Variants in TSPAN9 observed in about 807,000 individuals in gnomAD.
The protein encoded by TSPAN9 is tetraspanin-9.
Under a neutral mutation model 31.0 loss-of-function variants are expected in TSPAN9, and 16 were observed. The observed-to-expected ratio is 0.52, with a 90% confidence interval of 0.35 to 0.78. The LOEUF is 0.78. TSPAN9 is among the 30% of genes least tolerant of loss of function. The pLI is 0.01. For missense variants in TSPAN9, 272 were observed against 312.5 expected, an observed-to-expected ratio of 0.87 and a Z score of 0.98; for synonymous variants, 145 against 121.6, an observed-to-expected ratio of 1.19 and a Z score of -1.27.
intron 2 of TSPAN9, among the ~76,000 whole-genome samples, chr12:3,158,830 C>T (rs538831058): frequency 6.6e-6 from 1 of 151,774 alleles, no homozygotes; most frequent in African/African-American, 2.4e-5. Flanking sequence ...CACTTAGCCT[C>T]TTTTGCTTGG....
intron 2 of TSPAN9, among the ~76,000 whole-genome samples, chr12:3,186,823 T>C (rs1266227133): frequency 2.0e-5 from 3 of 152,208 alleles, no homozygotes; most frequent in African/African-American, 4.8e-5. Flanking sequence ...CTGAGACTTT[T>C]ACTCCTGGGG....
Position 3,168,481 on chromosome 12 carries a change from A to G in TSPAN9, c.-17-32696A>G, listed in dbSNP as rs2098349854. Among the ~76,000 whole-genome samples the G allele has an allele frequency of 6.6e-6, 1 of 152,178 alleles. No homozygotes were observed. The highest frequency in any genetic ancestry group is 2.4e-5 in the African/African-American group (1 of 41,452). On this transcript the variant is annotated intron_variant, in intron 2 of 8. Coordinates refer to ENST00000011898, the MANE Select transcript of TSPAN9 (RefSeq NM_006675.5). The surrounding 1 kb of genome is among the most constrained non-coding windows in gnomAD (Gnocchi z 4.0). ...ACAGAATGAATTCAGGACAGAGTCT[A>G]AGAAGAGGCTGCAAGGGGTAAGAAG... is the stretch of plus-strand genomic sequence containing the variant.
At chr12:3,218,013 G>A (rs900709071) in intron 3 of TSPAN9, among the ~76,000 whole-genome samples, 3 of 152,156 alleles carry the variant, frequency 2.0e-5, no homozygotes, top group African/African-American at 7.2e-5. Context: ...GGTGTGTGGC[G>A]GGTGTGTTGG....
intron 3 of TSPAN9, among the ~76,000 whole-genome samples, chr12:3,207,811 G>A (rs1014140977): frequency 6.6e-6 from 1 of 152,164 alleles, no homozygotes; most frequent in Non-Finnish European, 1.5e-5. Context: ...GGAGGAGAGG[G>A]ACAGGGCCCT....
At chr12:3,138,258 G>C (rs1374946599) in intron 2 of TSPAN9, among the ~76,000 whole-genome samples, 1 of 152,176 alleles carries the variant, frequency 6.6e-6, no homozygotes, top group East Asian at 1.9e-4. Flanking sequence ...TAGTGCCAGG[G>C]AGACGAGAGC....
chr12:3,273,676 C>T (rs1395777110), intron 3 of TSPAN9, among the ~76,000 whole-genome samples: 1 of 152,182 alleles, frequency 6.6e-6, no homozygotes, highest in Non-Finnish European at 1.5e-5. Flanking sequence ...GCTCCCTCCA[C>T]CAGAGGCGGC....
chr12:3,166,293 G>T (rs555710714), intron 2 of TSPAN9, among the ~76,000 whole-genome samples: 35 of 152,258 alleles, frequency 2.3e-4, no homozygotes, highest in South Asian at 1.2e-3. Context: ...AAGCAGTAAC[G>T]CTGCCTTTCT....
At chr12:3,141,116 G>C (rs1421745120) in intron 2 of TSPAN9, among the ~76,000 whole-genome samples, 1 of 152,006 alleles carries the variant, frequency 6.6e-6, no homozygotes, top group African/African-American at 2.4e-5. Context: ...CCAAAGGAGA[G>C]GTTTGAGTTT....
intron 2 of TSPAN9, among the ~76,000 whole-genome samples, chr12:3,186,384 G>A (rs2098361317): frequency 1.3e-5 from 2 of 152,156 alleles, no homozygotes; most frequent in Non-Finnish European, 2.9e-5. Flanking sequence ...TGGAGAAGAT[G>A]CCATTTGAGT....
intron 2 of TSPAN9, among the ~76,000 whole-genome samples, chr12:3,163,358 C>T (rs531176617): frequency 9.2e-5 from 14 of 152,348 alleles, no homozygotes; most frequent in African/African-American, 3.4e-4. Context: ...CTGTTTGGCA[C>T]TTTCCACACT....
chr12:3,157,712 G>A (rs185481016), intron 2 of TSPAN9, among the ~76,000 whole-genome samples: 1 of 152,134 alleles, frequency 6.6e-6, no homozygotes, highest in Non-Finnish European at 1.5e-5. Flanking sequence ...CTGGAACCAC[G>A]GTCCCAGACC....
At chr12:3,096,786 G>A (rs547393996) in intron 2 of TSPAN9, among the ~76,000 whole-genome samples, 9 of 151,820 alleles carry the variant, frequency 5.9e-5, no homozygotes, top group South Asian at 4.2e-4. Flanking sequence ...TCCGCCTCCC[G>A]GGTTCACGCC....
chr12:3,083,166 T>C (rs1356911234), intron 1 of TSPAN9, among the ~76,000 whole-genome samples: 1 of 152,244 alleles, frequency 6.6e-6, no homozygotes, highest in Non-Finnish European at 1.5e-5. Flanking sequence ...TAACTTTGAA[T>C]GTGGTAGAGA....
intron 2 of TSPAN9, among the ~76,000 whole-genome samples, chr12:3,112,007 A>G (rs907409530): frequency 2.0e-5 from 3 of 152,040 alleles, no homozygotes; most frequent in African/African-American, 7.2e-5. Flanking sequence ...AATCGAGGAC[A>G]GGTCGCCTTT....
At chr12:3,262,928 C>T (rs1005482324) in intron 3 of TSPAN9, among the ~76,000 whole-genome samples, 5 of 152,160 alleles carry the variant, frequency 3.3e-5, no homozygotes, top group South Asian at 2.1e-4. Context: ...GTCGCATCTC[C>T]GAGCCTCGGT....
At chr12:3,099,486 T>G (rs1279061209) in intron 2 of TSPAN9, among the ~76,000 whole-genome samples, 1 of 152,234 alleles carries the variant, frequency 6.6e-6, no homozygotes, top group Non-Finnish European at 1.5e-5. Flanking sequence ...AGTTTCATCA[T>G]CTCTGTTATT....
At chr12:3,136,837 C>T (rs560077849) in intron 2 of TSPAN9, among the ~76,000 whole-genome samples, 2 of 151,796 alleles carry the variant, frequency 1.3e-5, no homozygotes, top group East Asian at 1.9e-4. Flanking sequence ...CAGCTGGAGG[C>T]AGGGGTGGGG....
At chr12:3,156,085 A>G (rs1470113848) in intron 2 of TSPAN9, among the ~76,000 whole-genome samples, 2 of 152,202 alleles carry the variant, frequency 1.3e-5, no homozygotes, top group Admixed American at 6.5e-5. Context: ...GAGGTTTCAG[A>G]TCAGTGACAA....
chr12:3,244,346 A>G (rs2098398202), intron 3 of TSPAN9, among the ~76,000 whole-genome samples: 1 of 151,618 alleles, frequency 6.6e-6, no homozygotes, highest in Non-Finnish European at 1.5e-5. Context: ...CCACTCCCTC[A>G]AGGCCTGTGG....
Sources: gnomAD v4.1 joint callset for allele counts (sites outside exome capture counted in the v4.1 genomes callset) on GRCh38, gnomAD v4.1.1 for gene constraint, Gnocchi (gnomAD v3.1) non-coding constraint, MANE v1.5 for transcripts, NCBI Gene and HGNC (gene_info 2026-07-23, HGNC 2026-07-21) for gene names.